GALNT13: variants seen among roughly 807,000 people sequenced by gnomAD.
GALNT13 encodes the protein UDP-GalNAc:polypeptide N-acetylgalactosaminyltransferase 13.
A neutral mutation model predicts 64.2 loss-of-function variants in GALNT13; 28 were observed. The observed-to-expected ratio is 0.44, with a 90% CI of 0.32 to 0.60. GALNT13 has a LOEUF of 0.60. Among genes scored for constraint, GALNT13 ranks in the 20% least tolerant of loss-of-function variants. The pLI is 0.05. For missense variants in GALNT13, 577 were observed against 669.8 expected (o/e 0.86, Z 1.53); for synonymous variants, 214 against 224.6 (o/e 0.95, Z 0.42).
intron 4 of GALNT13, among the ~76,000 whole-genome samples, chr2:154,186,976 A>C (rs1686287091): frequency 6.6e-6 from 1 of 152,048 alleles, no homozygotes; most frequent in African/African-American, 2.4e-5. Flanking sequence ...AAGATTAAAT[A>C]ACAGAACCAA....
At chr2:153,823,227 T>A in the GALNT13 span, among the ~76,000 whole-genome samples, 1 of 152,166 alleles carries the variant, frequency 6.6e-6, no homozygotes, top group Non-Finnish European at 1.5e-5. Flanking sequence ...TCAAAGCTAT[T>A]CCTATCAAGC....
At chr2:154,045,496 C>T (rs188049587) in intron 3 of GALNT13, among the ~76,000 whole-genome samples, 168 of 152,296 alleles carry the variant, frequency 1.1e-3, no homozygotes, top group Non-Finnish European at 1.4e-3. Flanking sequence ...AAAGAAGATA[C>T]TCCTTTGTGA....
At chr2:153,283,580 T>C in the GALNT13 span, among the ~76,000 whole-genome samples, 1 of 152,052 alleles carries the variant, frequency 6.6e-6, no homozygotes, top group African/African-American at 2.4e-5. Flanking sequence ...AGATATCTGC[T>C]AGGGCATGGA....
chr2:153,390,361 G>A, the GALNT13 span, among the ~76,000 whole-genome samples: 2 of 152,026 alleles, frequency 1.3e-5, no homozygotes, highest in African/African-American at 4.8e-5. Context: ...ACCTAATGCA[G>A]GTGATGGGTT....
intron 2 of GALNT13, among the ~76,000 whole-genome samples, chr2:153,924,938 A>G (rs1574128057): frequency 1.3e-5 from 2 of 152,062 alleles, no homozygotes; most frequent in African/African-American, 4.8e-5. Context: ...TAAGTTCCTT[A>G]TAGATGTTAG....
At chr2:153,850,619 G>T in the GALNT13 span, among the ~76,000 whole-genome samples, 1 of 152,150 alleles carries the variant, frequency 6.6e-6, no homozygotes, top group Non-Finnish European at 1.5e-5. Context: ...ATCATGGTTA[G>T]TAAACATGGA....
At chr2:154,360,809 C>G (rs530777252) in intron 9 of GALNT13, among the ~76,000 whole-genome samples, 6 of 152,030 alleles carry the variant, frequency 3.9e-5, no homozygotes, top group Non-Finnish European at 8.8e-5. Flanking sequence ...ACCATGATAG[C>G]TCTCAGGCAA....
chr2:153,396,599 A>G, the GALNT13 span, among the ~76,000 whole-genome samples: 1 of 152,210 alleles, frequency 6.6e-6, no homozygotes, highest in African/African-American at 2.4e-5. Context: ...GTTCTATGTG[A>G]GTAGTCTGGA....
chr2:153,147,445 T>C, the GALNT13 span, among the ~76,000 whole-genome samples: 2 of 151,784 alleles, frequency 1.3e-5, no homozygotes, highest in African/African-American at 4.8e-5. Flanking sequence ...AGTATAAGGA[T>C]GCTCTAAAGG....
At chr2:153,723,152 C>T in the GALNT13 span, among the ~76,000 whole-genome samples, 14,292 of 129,170 alleles carry the variant, frequency 0.11, 1,172 homozygotes, top group African/African-American at 0.26. Flanking sequence ...GTTCAATATA[C>T]GCAAATCAAT....
intron 12 of GALNT13, among the ~76,000 whole-genome samples, chr2:154,448,102 C>A (rs1035348357): frequency 6.6e-6 from 1 of 152,022 alleles, no homozygotes; most frequent in South Asian, 2.1e-4. Flanking sequence ...CTTATCCTCA[C>A]AGAAGATGAT....
chr2:154,153,877 C>T (rs571662079), intron 4 of GALNT13, among the ~76,000 whole-genome samples: 173 of 152,348 alleles, frequency 1.1e-3, no homozygotes, highest in Admixed American at 5.0e-3. Context: ...TGACCCCTTG[C>T]GCTTCCCGAG....
At chr2:154,392,601 T>A (rs532860017) in intron 9 of GALNT13, among the ~76,000 whole-genome samples, 1 of 152,206 alleles carries the variant, frequency 6.6e-6, no homozygotes, top group Admixed American at 6.5e-5. Context: ...ACAATTGGGC[T>A]GGTTTCAAAG....
intron 9 of GALNT13, among the ~76,000 whole-genome samples, chr2:154,326,978 A>T (rs1350595757): frequency 6.6e-6 from 1 of 151,998 alleles, no homozygotes; most frequent in African/African-American, 2.4e-5. Flanking sequence ...TATTTCTTAG[A>T]GGTCTGATAT....
chr2:153,336,525 C>A, the GALNT13 span, among the ~76,000 whole-genome samples: 1 of 152,054 alleles, frequency 6.6e-6, no homozygotes, highest in Non-Finnish European at 1.5e-5. Flanking sequence ...GCCCTGTAAC[C>A]CCTTTGTTTT....
the GALNT13 span, among the ~76,000 whole-genome samples, chr2:153,335,854 A>G: frequency 1.3e-5 from 2 of 152,188 alleles, no homozygotes; most frequent in African/African-American, 4.8e-5. Context: ...CTGGAGGCCC[A>G]GGAGAAAAAA....
At chr2:154,274,815 ACAGG>A (rs768248660) in intron 8 of GALNT13, among the ~76,000 whole-genome samples, 7 of 152,196 alleles carry the variant, frequency 4.6e-5, no homozygotes, top group Non-Finnish European at 1.0e-4. Flanking sequence ...GAACTGGGTA[ACAGG>A]CAGAGGTTAG....
At chr2:153,524,156 C>G in the GALNT13 span, among the ~76,000 whole-genome samples, 2 of 152,092 alleles carry the variant, frequency 1.3e-5, no homozygotes, top group South Asian at 4.2e-4. Context: ...TGGCATAATT[C>G]TCACTTGATT....
At chr2:154,179,650 G>A (rs1239921173) in intron 4 of GALNT13, among the ~76,000 whole-genome samples, 1 of 151,856 alleles carries the variant, frequency 6.6e-6, no homozygotes, top group Non-Finnish European at 1.5e-5. Flanking sequence ...GTTTTCATTT[G>A]TATTATGAAA....
Sources: gnomAD v4.1 joint callset for allele counts (sites outside exome capture counted in the v4.1 genomes callset) on GRCh38, gnomAD v4.1.1 for gene constraint, MANE v1.5 for transcripts, NCBI Gene and HGNC (gene_info 2026-07-23, HGNC 2026-07-21) for gene names.